Variants in ZDHHC21 observed in about 807,000 individuals in gnomAD.
The protein encoded by ZDHHC21 is zDHHC palmitoyltransferase 21, also known as palmitoyltransferase ZDHHC21.
In ZDHHC21, 15 loss-of-function variants were observed where a neutral mutation model predicts 34.6. The observed-to-expected ratio is 0.43, with a 90% confidence interval of 0.29 to 0.67. The LOEUF is 0.67. Among genes scored for constraint, ZDHHC21 ranks in the 30% least tolerant of loss-of-function variants. The probability of loss-of-function intolerance (pLI) is 0.14; values close to 1 mark genes in which losing one functional copy is unlikely to be tolerated. For missense variants in ZDHHC21, 344 were observed against 327.7 expected (o/e 1.05, Z -0.38); for synonymous variants, 142 against 101.8 (o/e 1.40, Z -2.38).
At chr9:14,665,349 G>C (rs1407504528) in intron 5 of ZDHHC21, among the ~76,000 whole-genome samples, 4 of 139,690 alleles carry the variant, frequency 2.9e-5, no homozygotes, top group Admixed American at 7.2e-5. Context: ...GGGATTATGT[G>C]AAAAGACCAA....
Position 14,612,162 on chromosome 9 carries a change from A to G in ZDHHC21, c.*6804T>C, listed in dbSNP as rs887690793. The G allele has an allele frequency of 1.3e-5, 2 of 152,090 alleles. No homozygotes were observed. Among genetic ancestry groups the G allele is most frequent in the Non-Finnish European group, 2.9e-5 (2 of 67,948 alleles). The allele number at this position is 152,090 out of a possible 1,614,324, so 9.4% of individuals were successfully genotyped here. ...ATGATATGTTCATCTAGATTTCTAC[A>G]TATCGTTCAAATGATCTGAAGCCAC... On this transcript the variant is annotated 3_prime_UTR_variant, in exon 10 of 10. Transcript: ENST00000380916.
chr9:14,600,569 C>T, the ZDHHC21 span, among the ~76,000 whole-genome samples: 3 of 152,222 alleles, frequency 2.0e-5, no homozygotes, highest in South Asian at 6.2e-4. Flanking sequence ...TGAAAATGGC[C>T]ATATTGCCCA....
chr9:14,659,815 C>A (rs1009827623), intron 6 of ZDHHC21, among the ~76,000 whole-genome samples: 1 of 152,034 alleles, frequency 6.6e-6, no homozygotes, highest in African/African-American at 2.4e-5. Flanking sequence ...GTTTTGTAAA[C>A]AAGAAAATCT....
chr9:14,631,154 C>T (rs914465045), intron 8 of ZDHHC21, among the ~76,000 whole-genome samples: 4 of 152,214 alleles, frequency 2.6e-5, no homozygotes, highest in African/African-American at 9.6e-5. Context: ...GTACACTGAA[C>T]ATCTGTTGTT....
chr9:14,643,275 GAAGAA>G (rs1829715089), intron 7 of ZDHHC21, among the ~76,000 whole-genome samples: 1 of 151,844 alleles, frequency 6.6e-6, no homozygotes, highest in Admixed American at 6.6e-5. Flanking sequence ...TAAAGAAGAA[GAAGAA>G]AAGTAACAGT....
chr9:14,597,198 T>A, the ZDHHC21 span, among the ~76,000 whole-genome samples: 152 of 151,922 alleles, frequency 1.0e-3, 1 homozygote, highest in Non-Finnish European at 9.1e-4. Context: ...ATGGTGCCAT[T>A]TGAGAGCTCA....
intron 7 of ZDHHC21, among the ~76,000 whole-genome samples, chr9:14,644,801 T>TATAC (rs1554766501): frequency 6.7e-6 from 1 of 148,804 alleles, no homozygotes; most frequent in Non-Finnish European, 1.5e-5. Flanking sequence ...TTTATATATA[T>TATAC]ACACACATAC....
At chr9:14,619,136 C>A in intron 9 of ZDHHC21, 38 bp from the exon 10 acceptor site, 1 of 1,566,368 alleles carries the variant, frequency 6.4e-7, no homozygotes, top group African/African-American at 1.4e-5. Flanking sequence ...GACAGCACTC[C>A]CATGGTGCAC....
At chr9:14,671,495 G>C (rs1475103583) in intron 5 of ZDHHC21, among the ~76,000 whole-genome samples, 1 of 152,040 alleles carries the variant, frequency 6.6e-6, no homozygotes, top group Non-Finnish European at 1.5e-5. Context: ...CAATGTAAGA[G>C]GGAGGATCAA....
chr9:14,644,327 T>C (rs1235279486), intron 7 of ZDHHC21, among the ~76,000 whole-genome samples: 9 of 152,192 alleles, frequency 5.9e-5, no homozygotes, highest in African/African-American at 2.2e-4. Context: ...GACAGTTTTA[T>C]TTCCTTCAGC....
rs1384371615 is a variant in ZDHHC21 at position 14,612,131 on chromosome 9, C to T, written c.*6835G>A. The stretch of plus-strand genomic sequence containing the variant: ...ATTAGGCTTTCAAATTTTGCTTTCA[C>T]CTCTAATGATATGTTCATCTAGATT... On this transcript the variant is annotated 3_prime_UTR_variant, in exon 10 of 10. Coordinates refer to ENST00000380916, the MANE Select transcript of ZDHHC21 (RefSeq NM_178566.6). The T allele has an allele frequency of 3.9e-5, 6 of 151,976 alleles. No individual in the cohort carries two copies. The highest frequency in any genetic ancestry group is 9.7e-5 in the African/African-American group (4 of 41,424). 9.4% of individuals were successfully genotyped at this position (151,976 alleles called of 1,614,324 possible).
At chr9:14,622,653 T>C (rs1410083267) in intron 8 of ZDHHC21, 3 of 985,090 alleles carry the variant, frequency 3.0e-6, no homozygotes, top group Admixed American at 6.2e-5. Context: ...TATGTTGTCA[T>C]ACAGGAGAAA....
chr9:14,670,842 G>GTGTAGCAA (rs1378679604), intron 5 of ZDHHC21, among the ~76,000 whole-genome samples: 1 of 151,940 alleles, frequency 6.6e-6, no homozygotes, highest in African/African-American at 2.4e-5. Flanking sequence ...CTTTTGCCTT[G>GTGTAGCAA]TGTAGCAAGA....
chr9:14,637,929 T>C (rs1828597337), intron 8 of ZDHHC21, among the ~76,000 whole-genome samples: 1 of 151,956 alleles, frequency 6.6e-6, no homozygotes, highest in South Asian at 2.1e-4. Context: ...TCAGAAGAAT[T>C]ATTGTTAAAT....
At chr9:14,686,465 A>T (rs1838338454) in intron 2 of ZDHHC21, among the ~76,000 whole-genome samples, 1 of 152,212 alleles carries the variant, frequency 6.6e-6, no homozygotes. Context: ...TTAAATACTG[A>T]GAATGTAAAA....
intron 2 of ZDHHC21, among the ~76,000 whole-genome samples, chr9:14,689,437 T>C (rs997004614): frequency 6.6e-6 from 1 of 152,234 alleles, no homozygotes; most frequent in Non-Finnish European, 1.5e-5. Flanking sequence ...GTGGACAAAG[T>C]GTCAAAGCAT....
chr9:14,607,021 C>A (rs1458966823), downstream of ZDHHC21, among the ~76,000 whole-genome samples: 1 of 144,282 alleles, frequency 6.9e-6, no homozygotes, highest in African/African-American at 2.6e-5. Flanking sequence ...TACAGAAATA[C>A]TAACAAATGG....
At chr9:14,622,497 T>C in intron 8 of ZDHHC21, 1 of 960,016 alleles carries the variant, frequency 1.0e-6, no homozygotes, top group African/African-American at 1.8e-5. Context: ...GGGGGTGGGA[T>C]AAAGAGCAAG....
In ZDHHC21 at chr9:14,682,022, C is replaced by A. The variant is rs556886542; in HGVS notation, c.-175-1860G>T. On this transcript the variant is annotated intron_variant, in intron 2 of 9. Transcript: ENST00000380916. ...TTTGGTCACCACCAGGCCTGCCCTA[C>A]AAGAGCTCCTGAAGGAAGCATTAAA... is the stretch of plus-strand genomic sequence containing the variant. Among the ~76,000 whole-genome samples the A allele has an allele frequency of 6.3e-3, 956 of 152,164 alleles. 15 individuals are homozygous for A. The highest frequency in any genetic ancestry group is 0.021 in the African/African-American group (890 of 41,516).
Sources: allele counts gnomAD v4.1 joint callset (sites outside exome capture counted in the v4.1 genomes callset), GRCh38; gene constraint gnomAD v4.1.1; transcripts MANE v1.5; gene names NCBI Gene and HGNC (gene_info 2026-07-23, HGNC 2026-07-21).